Variants in ATP8B4 observed in about 807,000 individuals in gnomAD.
ATP8B4 encodes ATPase phospholipid transporting 8B4 (putative).
Under a neutral mutation model 145.6 loss-of-function variants are expected in ATP8B4, and 133 were observed. The observed-to-expected ratio is 0.91, with a 90% CI of 0.79 to 1.05. The LOEUF (loss-of-function observed/expected upper bound fraction) is 1.05. Ranked by LOEUF, ATP8B4 falls within the 50% of genes least tolerant of loss-of-function variation. ATP8B4 has a pLI of 0.00. For missense variants in ATP8B4, 1,458 were observed against 1,425.2 expected (o/e 1.02, Z -0.37); for synonymous variants, 507 against 492.9 (o/e 1.03, Z -0.38).
chr15:50,044,000 A>C (rs1278904170), intron 5 of ATP8B4, among the ~76,000 whole-genome samples: 1 of 152,022 alleles, frequency 6.6e-6, no homozygotes, highest in Non-Finnish European at 1.5e-5. Context: ...TAATAAATAT[A>C]ACATACAAAA....
chr15:50,018,420 T>C (rs991978169), intron 6 of ATP8B4, among the ~76,000 whole-genome samples: 3 of 152,178 alleles, frequency 2.0e-5, no homozygotes, highest in South Asian at 2.1e-4. Context: ...GAGCTGCAAG[T>C]GGAATCAGAT....
At chr15:50,115,404 G>A (rs2153674634) in intron 1 of ATP8B4, among the ~76,000 whole-genome samples, 1 of 152,134 alleles carries the variant, frequency 6.6e-6, no homozygotes, top group African/African-American at 2.4e-5. Context: ...AGGAGGGATG[G>A]AGAACTATGG....
At chr15:49,860,557 C>CTT in intron 27 of ATP8B4, 82 bp from the exon 28 acceptor site, 26 of 1,256,924 alleles carry the variant, frequency 2.1e-5, no homozygotes, top group African/African-American at 7.7e-5. Context: ...AAGTGAAAGC[C>CTT]TTTTTTTTTT....
At chr15:50,020,326 A>C (rs1668950819) in intron 6 of ATP8B4, among the ~76,000 whole-genome samples, 1 of 149,466 alleles carries the variant, frequency 6.7e-6, no homozygotes, top group Admixed American at 6.7e-5. Context: ...ATGGAGTGCA[A>C]TGGCACAGTC....
At chr15:50,137,986 G>T (rs7342574) in intron 1 of ATP8B4, among the ~76,000 whole-genome samples, 47,353 of 152,064 alleles carry the variant, frequency 0.31, 8,111 homozygotes, top group East Asian at 0.49. Flanking sequence ...TGTGAGCTGT[G>T]AGCACAACCT....
intron 25 of ATP8B4, among the ~76,000 whole-genome samples, chr15:49,872,437 TA>T (rs759672560): frequency 7.0e-4 from 106 of 152,278 alleles, no homozygotes; most frequent in Middle Eastern, 3.4e-3. Flanking sequence ...TTTTAGGCAC[TA>T]GAGTATGGAA....
chr15:50,011,499 ACAG>A (rs1233765117), intron 6 of ATP8B4, among the ~76,000 whole-genome samples: 2 of 152,186 alleles, frequency 1.3e-5, no homozygotes, highest in African/African-American at 4.8e-5. Context: ...TTCTAACAGG[ACAG>A]CAGCTCAGAA....
At chr15:50,149,663 A>T (rs2044322489) in intron 1 of ATP8B4, among the ~76,000 whole-genome samples, 1 of 152,236 alleles carries the variant, frequency 6.6e-6, no homozygotes, top group Non-Finnish European at 1.5e-5. Flanking sequence ...TTATCAACCT[A>T]AATAGCAAAG....
chr15:50,097,606 A>G (rs1367126567), intron 2 of ATP8B4, among the ~76,000 whole-genome samples: 1 of 152,208 alleles, frequency 6.6e-6, no homozygotes, highest in Non-Finnish European at 1.5e-5. Flanking sequence ...GAGAGTCACC[A>G]TAAGTAAACA....
intron 1 of ATP8B4, among the ~76,000 whole-genome samples, chr15:50,141,503 T>C (rs4774557): frequency 0.25 from 38,729 of 151,902 alleles, 5,539 homozygotes; most frequent in East Asian, 0.48. Flanking sequence ...ATAATACTTA[T>C]TGAGCGTCTC....
rs754553954 is a variant in ATP8B4, at chr15:49,876,423, T to C, written c.2882A>G (p.His961Arg). 1.9e-6 allele frequency: 3 copies of C among 1,613,392 alleles called. No individual in the cohort carries two copies. The South Asian group carries it at 3.3e-5, about 18-fold the overall frequency. Residue 961 changes from histidine (H) to arginine (R), a missense_variant, in exon 25 of 28, where the codon CAT (histidine) becomes CGT (arginine). Transcript: ENST00000284509. ...NKRKFFICVL[H>R]GIYTSLVLFF... ...AAGGACTAATGAGGTGTAGATTCCATGCAACACGCAAATGAAAAATTTACG... is the reference window on the plus strand; with the variant it reads ...AAGGACTAATGAGGTGTAGATTCCACGCAACACGCAAATGAAAAATTTACG...
At chr15:49,883,547 T>C (rs938930976) in intron 23 of ATP8B4, 2 of 152,218 alleles carry the variant, frequency 1.3e-5, no homozygotes, top group African/African-American at 4.8e-5. Flanking sequence ...CCATTTTAAG[T>C]GCTTTACATA....
At chr15:50,151,986 T>G (rs913377842) in intron 1 of ATP8B4, among the ~76,000 whole-genome samples, 1 of 152,146 alleles carries the variant, frequency 6.6e-6, no homozygotes, top group East Asian at 1.9e-4. Flanking sequence ...ACAATTAATG[T>G]TAGATAAAAG....
intron 8 of ATP8B4, among the ~76,000 whole-genome samples, chr15:50,001,849 C>T (rs1268744432): frequency 6.6e-6 from 1 of 152,030 alleles, no homozygotes; most frequent in African/African-American, 2.4e-5. Flanking sequence ...TCTCATTTTC[C>T]CTATAAAATC....
At chr15:50,019,177 T>A (rs2153579234) in intron 6 of ATP8B4, among the ~76,000 whole-genome samples, 1 of 152,334 alleles carries the variant, frequency 6.6e-6, no homozygotes, top group East Asian at 1.9e-4. Flanking sequence ...ATTTAAATTT[T>A]ACACCTTTAA....
intron 3 of ATP8B4, among the ~76,000 whole-genome samples, chr15:50,048,171 T>C (rs1198243855): frequency 1.3e-5 from 2 of 151,910 alleles, no homozygotes; most frequent in Non-Finnish European, 2.9e-5. Flanking sequence ...AGCTAGACAT[T>C]AACAGGAGGG....
At chr15:50,135,993 G>A (rs1262224261) in intron 1 of ATP8B4, among the ~76,000 whole-genome samples, 1 of 152,136 alleles carries the variant, frequency 6.6e-6, no homozygotes, top group East Asian at 1.9e-4. Flanking sequence ...AACCTTGAGC[G>A]TGGATACTTT....
chr15:50,176,902 A>G (rs2044771686), intron 1 of ATP8B4, among the ~76,000 whole-genome samples: 1 of 152,186 alleles, frequency 6.6e-6, no homozygotes. Flanking sequence ...AGTTGTTCTC[A>G]GTCTCACCTT....
chr15:50,092,607 G>C (rs1272709616), intron 2 of ATP8B4, among the ~76,000 whole-genome samples: 1 of 151,900 alleles, frequency 6.6e-6, no homozygotes, highest in Non-Finnish European at 1.5e-5. Context: ...CAGAAAATTA[G>C]AAACAGCAAC....
Sources: allele counts gnomAD v4.1 joint callset (sites outside exome capture counted in the v4.1 genomes callset), GRCh38; gene constraint gnomAD v4.1.1; transcripts MANE v1.5; gene names NCBI Gene and HGNC (gene_info 2026-07-23, HGNC 2026-07-21).